The following MACROD2 variants were observed in gnomAD, a reference collection of about 807,000 sequenced individuals.
The protein encoded by MACROD2 is ADP-ribose glycohydrolase MACROD2.
MACROD2 carries 36 observed loss-of-function variants against 70.4 expected under a neutral mutation model. The ratio of observed to expected loss-of-function variants is 0.51; its 90% confidence interval spans 0.39 to 0.68. The LOEUF is 0.68. Among genes scored for constraint, MACROD2 ranks in the 30% least tolerant of loss-of-function variants. The probability of loss-of-function intolerance (pLI) is 0.00; values close to 1 mark genes in which losing one functional copy is unlikely to be tolerated. For synonymous variants in MACROD2, 172 were observed against 178.8 expected (o/e 0.96, Z 0.30); for missense variants, 496 against 538.4 (o/e 0.92, Z 0.78).
At chr20:15,771,872 C>G (rs1015275251) in intron 8 of MACROD2, among the ~76,000 whole-genome samples, 1 of 140,596 alleles carries the variant, frequency 7.1e-6, no homozygotes, top group South Asian at 2.1e-4. Flanking sequence ...ATCAAAAGGT[C>G]GGGAGATCAA....
chr20:14,152,846 C>A (rs2055043995), intron 3 of MACROD2, among the ~76,000 whole-genome samples: 1 of 152,124 alleles, frequency 6.6e-6, no homozygotes, highest in Admixed American at 6.6e-5. Flanking sequence ...AAAACATTTT[C>A]ATGGATTCTA....
At chr20:16,045,377 G>T (rs1378183244) in intron 17 of MACROD2, among the ~76,000 whole-genome samples, 1 of 152,110 alleles carries the variant, frequency 6.6e-6, no homozygotes, top group Admixed American at 6.6e-5. Context: ...TTGCTTCATG[G>T]CAGCCAATAC....
chr20:14,499,885 G>A (rs1018575063), intron 4 of MACROD2, among the ~76,000 whole-genome samples: 2 of 152,076 alleles, frequency 1.3e-5, no homozygotes, highest in Non-Finnish European at 2.9e-5. Context: ...TGAAATCAGT[G>A]TAGGTAAGAT....
At chr20:14,122,817 C>T (rs565429637) in intron 3 of MACROD2, among the ~76,000 whole-genome samples, 1 of 152,258 alleles carries the variant, frequency 6.6e-6, no homozygotes, top group South Asian at 2.1e-4. Flanking sequence ...CTATCTTAGA[C>T]TCCTGAGGTT....
chr20:15,316,784 T>C (rs1006530416), intron 6 of MACROD2, among the ~76,000 whole-genome samples: 2 of 152,084 alleles, frequency 1.3e-5, no homozygotes, highest in African/African-American at 4.8e-5. Flanking sequence ...GAATAGACCA[T>C]ACGGTAGGCC....
At chr20:14,702,651 ACATATATATGTG>A (rs1268567470) in intron 5 of MACROD2, among the ~76,000 whole-genome samples, 18 of 63,910 alleles carry the variant, frequency 2.8e-4, no homozygotes, top group African/African-American at 8.1e-4. Flanking sequence ...ATATATATAC[ACATATATATGTG>A]TATATATATA....
At chr20:15,983,825 A>G (rs1417528444) in intron 13 of MACROD2, among the ~76,000 whole-genome samples, 1 of 152,200 alleles carries the variant, frequency 6.6e-6, no homozygotes, top group African/African-American at 2.4e-5. Flanking sequence ...AGGCATTTGC[A>G]TTCTTGGTAT....
intron 5 of MACROD2, among the ~76,000 whole-genome samples, chr20:14,837,328 A>C (rs943373316): frequency 6.6e-6 from 1 of 152,086 alleles, no homozygotes; most frequent in Non-Finnish European, 1.5e-5. Flanking sequence ...ATTGTTAAAA[A>C]AAAATCTTGT....
At chr20:14,486,555 T>G (rs1450891953) in intron 3 of MACROD2, among the ~76,000 whole-genome samples, 1 of 146,574 alleles carries the variant, frequency 6.8e-6, no homozygotes, top group East Asian at 2.1e-4. Context: ...GTTTCATTCT[T>G]GTCGCCCAGG....
intron 5 of MACROD2, among the ~76,000 whole-genome samples, chr20:14,873,199 T>C (rs2122432691): frequency 6.6e-6 from 1 of 152,308 alleles, no homozygotes; most frequent in Non-Finnish European, 1.5e-5. Flanking sequence ...GTAGTAAAAG[T>C]TCAATACATG....
intron 5 of MACROD2, among the ~76,000 whole-genome samples, chr20:14,796,300 G>A (rs1274076578): frequency 1.3e-5 from 2 of 152,022 alleles, no homozygotes; most frequent in African/African-American, 4.8e-5. Context: ...TTTCACTGTA[G>A]GGCATTCGCT....
At chr20:15,858,921 T>C (rs183667624) in intron 8 of MACROD2, among the ~76,000 whole-genome samples, 1 of 152,300 alleles carries the variant, frequency 6.6e-6, no homozygotes, top group Admixed American at 6.5e-5. Flanking sequence ...GGGTGAGTGG[T>C]GACTATCCCC....
At chr20:15,385,957 G>A (rs1319332738) in intron 6 of MACROD2, among the ~76,000 whole-genome samples, 4 of 152,126 alleles carry the variant, frequency 2.6e-5, no homozygotes, top group Non-Finnish European at 4.4e-5. Flanking sequence ...ACTGGGTCAC[G>A]AGAGCTAAAA....
At chr20:14,621,211 T>G (rs1000741966) in intron 4 of MACROD2, among the ~76,000 whole-genome samples, 2 of 152,138 alleles carry the variant, frequency 1.3e-5, no homozygotes, top group African/African-American at 4.8e-5. Context: ...AAGCGTTGTA[T>G]AATTGTTAGG....
At chr20:14,813,527 A>G (rs917032322) in intron 5 of MACROD2, among the ~76,000 whole-genome samples, 3 of 152,118 alleles carry the variant, frequency 2.0e-5, no homozygotes, top group African/African-American at 7.2e-5. Context: ...TGCAAAGGGC[A>G]TGATCTCATT....
chr20:15,374,540 C>T (rs1044152718), intron 6 of MACROD2, among the ~76,000 whole-genome samples: 6 of 152,050 alleles, frequency 3.9e-5, no homozygotes, highest in African/African-American at 1.4e-4. Context: ...CACAGCTTTC[C>T]TTGGTGCCAG....
chr20:14,968,810 T>C (rs932665748), intron 5 of MACROD2, among the ~76,000 whole-genome samples: 5 of 152,228 alleles, frequency 3.3e-5, no homozygotes, highest in African/African-American at 1.2e-4. Flanking sequence ...AACTTGCTGG[T>C]CATTCTCATC....
At chr20:14,215,225 C>T (rs2081608534) in intron 3 of MACROD2, among the ~76,000 whole-genome samples, 2 of 149,912 alleles carry the variant, frequency 1.3e-5, no homozygotes, top group Non-Finnish European at 1.5e-5. Flanking sequence ...TATATATTTT[C>T]CATCATATAT....
At chr20:14,907,985 C>T (rs762970146) in intron 5 of MACROD2, among the ~76,000 whole-genome samples, 33 of 152,128 alleles carry the variant, frequency 2.2e-4, no homozygotes, top group Non-Finnish European at 4.0e-4. Flanking sequence ...ACCCAAGTTT[C>T]AAACCACTGC....
Sources: allele counts gnomAD v4.1 joint callset (sites outside exome capture counted in the v4.1 genomes callset), GRCh38; gene constraint gnomAD v4.1.1; transcripts MANE v1.5; gene names NCBI Gene and HGNC (gene_info 2026-07-23, HGNC 2026-07-21).